Variants in IQCM observed in about 807,000 individuals in gnomAD.
IQCM encodes the protein IQ domain-containing protein M.
In IQCM, 45 loss-of-function variants were observed where a neutral mutation model predicts 57.6. That is an observed-to-expected ratio of 0.78 (90% confidence interval 0.62 to 1.00). The LOEUF (loss-of-function observed/expected upper bound fraction) is 1.00, where lower values mean the gene tolerates loss of function less well. IQCM is among the 50% of genes least tolerant of loss of function. The pLI, the probability that IQCM is intolerant of heterozygous loss-of-function variation, is 0.00. For missense variants in IQCM, 468 were observed against 511.6 expected (o/e 0.91, Z 0.82); for synonymous variants, 148 against 158.9 (o/e 0.93, Z 0.51).
chr4:149,367,912 T>C (rs1185382108), intron 13 of IQCM, among the ~76,000 whole-genome samples: 1 of 152,084 alleles, frequency 6.6e-6, no homozygotes, highest in African/African-American at 2.4e-5. Flanking sequence ...CATCTTTGCA[T>C]ATATTTGATA....
At chr4:149,450,117 T>C (rs1335554948) in intron 12 of IQCM, among the ~76,000 whole-genome samples, 2 of 151,740 alleles carry the variant, frequency 1.3e-5, no homozygotes, top group Non-Finnish European at 2.9e-5. Flanking sequence ...GAAAAGACAA[T>C]TTCTTCAATA....
chr4:149,413,279 T>C (rs576246037), intron 13 of IQCM, among the ~76,000 whole-genome samples: 6 of 152,324 alleles, frequency 3.9e-5, no homozygotes, highest in African/African-American at 1.2e-4. Context: ...CAGCTTTGCC[T>C]GTTAAAGAGA....
At chr4:149,633,884 T>G (rs1757500030) in intron 7 of IQCM, among the ~76,000 whole-genome samples, 2 of 152,168 alleles carry the variant, frequency 1.3e-5, no homozygotes, top group Non-Finnish European at 2.9e-5. Flanking sequence ...TTCTTTCCAC[T>G]CATGATGGTA....
intron 13 of IQCM, among the ~76,000 whole-genome samples, chr4:149,407,154 A>T (rs1733038535): frequency 1.3e-5 from 2 of 152,098 alleles, no homozygotes; most frequent in Non-Finnish European, 2.9e-5. Flanking sequence ...CACCACCATG[A>T]TTCAATTATC....
At chr4:149,419,651 T>C (rs1430308357) in intron 13 of IQCM, among the ~76,000 whole-genome samples, 1 of 152,126 alleles carries the variant, frequency 6.6e-6, no homozygotes, top group Non-Finnish European at 1.5e-5. Context: ...GGGATCTGAT[T>C]AAACTAAAGA....
At chr4:149,582,968 G>A (rs963302432) in intron 9 of IQCM, among the ~76,000 whole-genome samples, 2 of 151,456 alleles carry the variant, frequency 1.3e-5, no homozygotes, top group African/African-American at 4.8e-5. Context: ...CAAGATAAAA[G>A]GGAAACATTC....
intron 9 of IQCM, among the ~76,000 whole-genome samples, chr4:149,571,539 A>G (rs1236557869): frequency 1.3e-5 from 2 of 152,094 alleles, no homozygotes; most frequent in Non-Finnish European, 2.9e-5. Context: ...TGGTATTTAC[A>G]TAGGCGGAAT....
At chr4:149,626,612 T>C (rs1486876422) in intron 7 of IQCM, among the ~76,000 whole-genome samples, 1 of 151,550 alleles carries the variant, frequency 6.6e-6, no homozygotes, top group Non-Finnish European at 1.5e-5. Flanking sequence ...ACAAGTTTGG[T>C]AGATACTTTG....
intron 7 of IQCM, among the ~76,000 whole-genome samples, chr4:149,676,861 A>G (rs1281676429): frequency 6.6e-6 from 1 of 152,028 alleles, no homozygotes; most frequent in Admixed American, 6.6e-5. Flanking sequence ...GCAGCAGAGA[A>G]GCAAGCTAGC....
Position 149,553,291 on chromosome 4 carries a change from C to A in IQCM, c.949-4G>T, listed in dbSNP as rs913354803. 28 of 1,231,588 alleles carry A rather than the reference C, an allele frequency of 2.3e-5. No individual in the cohort carries two copies. The highest frequency in any genetic ancestry group is 2.8e-5 in the Non-Finnish European group (28 of 987,634). The allele number at this position is 1,231,588 out of a possible 1,614,324, so 76.3% of individuals were successfully genotyped here. A position where few individuals can be genotyped will look rare whatever the true frequency, so the allele number is the denominator to read the frequency against. On this transcript the variant is annotated splice_region_variant and splice_polypyrimidine_tract_variant and intron_variant, in intron 10 of 13. Transcript: ENST00000636793. The stretch of plus-strand genomic sequence containing the variant: ...TATCTGGTCCATGATCCAAAGCCTA[C>A]AAAGACAGAAAAGCTCCTTATATAT...
At chr4:149,788,849 T>C (rs1267329526) in intron 2 of IQCM, among the ~76,000 whole-genome samples, 1 of 152,162 alleles carries the variant, frequency 6.6e-6, no homozygotes, top group Non-Finnish European at 1.5e-5. Flanking sequence ...TGTAGCAACA[T>C]AGATGGAACT....
At chr4:149,694,906 G>A (rs1763227916) in intron 5 of IQCM, among the ~76,000 whole-genome samples, 1 of 152,090 alleles carries the variant, frequency 6.6e-6, no homozygotes, top group Non-Finnish European at 1.5e-5. Context: ...TCATAAAATG[G>A]TTTTCTCACC....
intron 2 of IQCM, among the ~76,000 whole-genome samples, chr4:149,774,676 T>C (rs969482781): frequency 2.6e-5 from 4 of 151,982 alleles, no homozygotes; most frequent in African/African-American, 9.6e-5. Context: ...TCTTCCAGCT[T>C]TGGAGGCCCC....
At chr4:149,354,643 A>G (rs66480171) in intron 13 of IQCM, among the ~76,000 whole-genome samples, 45,036 of 151,846 alleles carry the variant, frequency 0.3, 6,840 homozygotes, top group African/African-American at 0.34. Flanking sequence ...ATTACTCAAA[A>G]GAGTTAAAAT....
intron 12 of IQCM, among the ~76,000 whole-genome samples, chr4:149,449,493 T>C (rs1240930169): frequency 6.7e-6 from 1 of 149,648 alleles, no homozygotes; most frequent in East Asian, 1.9e-4. Context: ...GTATTATTAC[T>C]GAAAAACAAA....
At chr4:149,551,781 A>G (rs1749057394) in intron 11 of IQCM, among the ~76,000 whole-genome samples, 1 of 152,138 alleles carries the variant, frequency 6.6e-6, no homozygotes, top group African/African-American at 2.4e-5. Context: ...TACGGGCAAA[A>G]GTCTTAAAAT....
intron 9 of IQCM, among the ~76,000 whole-genome samples, chr4:149,567,692 T>A (rs1042134711): frequency 2.6e-5 from 4 of 152,118 alleles, no homozygotes; most frequent in Admixed American, 2.6e-4. Context: ...AATTATAATG[T>A]CTTTTTAACC....
At chr4:149,643,425 G>GA (rs1327029893) in intron 7 of IQCM, among the ~76,000 whole-genome samples, 1 of 152,168 alleles carries the variant, frequency 6.6e-6, no homozygotes, top group Non-Finnish European at 1.5e-5. Context: ...CAAAGACAAA[G>GA]CAACTCTACC....
chr4:149,374,177 C>T (rs987135258), intron 13 of IQCM, among the ~76,000 whole-genome samples: 1 of 152,166 alleles, frequency 6.6e-6, no homozygotes, highest in Non-Finnish European at 1.5e-5. Context: ...GACAGGTCAT[C>T]TCTTTAGTGT....
Sources: gnomAD v4.1 joint callset for allele counts (sites outside exome capture counted in the v4.1 genomes callset) on GRCh38, gnomAD v4.1.1 for gene constraint, MANE v1.5 for transcripts, NCBI Gene and HGNC (gene_info 2026-07-23, HGNC 2026-07-21) for gene names.